ASB4: variants seen among roughly 807,000 people sequenced by gnomAD.
ASB4 encodes ankyrin repeat and SOCS box protein 4.
A neutral mutation model predicts 38.6 loss-of-function variants in ASB4; 35 were observed. The observed-to-expected ratio is 0.91, with a 90% CI of 0.69 to 1.20. The LOEUF is 1.20. ASB4 is among the 50% of genes most tolerant of loss of function. The pLI is 0.00. For missense variants in ASB4, 557 were observed against 527.2 expected, an observed-to-expected ratio of 1.06 and a Z score of -0.55; for synonymous variants, 195 against 201.3, an observed-to-expected ratio of 0.97 and a Z score of 0.26.
chr7:95,513,212 C>T (rs1431614275), intron 2 of ASB4, among the ~76,000 whole-genome samples: 5 of 142,134 alleles, frequency 3.5e-5, no homozygotes, highest in Non-Finnish European at 7.5e-5. Context: ...TGGTTGACTT[C>T]AATCTTAGCC....
intron 3 of ASB4, among the ~76,000 whole-genome samples, chr7:95,530,439 T>G (rs1171058311): frequency 6.6e-6 from 1 of 152,160 alleles, no homozygotes; most frequent in Admixed American, 6.5e-5. Flanking sequence ...CACTTCACCC[T>G]GGGTGACAGA....
chr7:95,521,213 TG>T (rs1790658175), intron 2 of ASB4, among the ~76,000 whole-genome samples: 1 of 152,090 alleles, frequency 6.6e-6, no homozygotes, highest in African/African-American at 2.4e-5. Context: ...CATAAAGAAA[TG>T]TTTCCTTTTT....
intron 2 of ASB4, among the ~76,000 whole-genome samples, chr7:95,524,150 T>C (rs6979120): frequency 0.46 from 70,420 of 151,970 alleles, 16,889 homozygotes; most frequent in African/African-American, 0.59. Context: ...CCCAGAGAAA[T>C]CCCTGCACGT....
chr7:95,506,210 T>C (rs1790406098), intron 2 of ASB4, among the ~76,000 whole-genome samples: 1 of 152,210 alleles, frequency 6.6e-6, no homozygotes, highest in Admixed American at 6.5e-5. Flanking sequence ...ACAATAGTTT[T>C]AATCTTTTCT....
Position 95,528,086 on chromosome 7 carries a change from C to G in ASB4, c.761C>G (p.Ser254Cys). ...AATGCCCGAGATGACGACTTTAAATCTCCCCTCCACAAGGCAGCCTGGAAC... is the reference window on the plus strand; with the variant it reads ...AATGCCCGAGATGACGACTTTAAATGTCCCCTCCACAAGGCAGCCTGGAAC... The part of the protein sequence containing the change: ...EVNARDDDFK[S>C]PLHKAAWNCD... Residue 254 changes from serine (S) to cysteine (C), a missense_variant, in exon 3 of 5, where the codon TCT (serine) becomes TGT (cysteine). Physicochemically the swap from Ser to Cys is moderately radical, Grantham distance 112 (BLOSUM62 -1). Transcript: ENST00000325885. The G allele has an allele frequency of 6.2e-7, 1 of 1,614,182 alleles. No homozygotes were observed. The highest frequency in any genetic ancestry group is 8.5e-7 in the Non-Finnish European group (1 of 1,180,036).
At chr7:95,499,357 A>T (rs1790297701) in intron 2 of ASB4, among the ~76,000 whole-genome samples, 1 of 152,204 alleles carries the variant, frequency 6.6e-6, no homozygotes, top group South Asian at 2.1e-4. Context: ...AGGAGAAACC[A>T]GTAAAGGAGA....
upstream of ASB4, chr7:95,473,974 G>A (rs1789950143): frequency 6.6e-6 from 1 of 152,156 alleles, no homozygotes; most frequent in Non-Finnish European, 1.5e-5. Context: ...TTCCTTAACT[G>A]AAAATAAAGC....
chr7:95,542,412 T>G (rs1790982928), downstream of ASB4: 2 of 151,288 alleles, frequency 1.3e-5, no homozygotes, highest in South Asian at 2.1e-4. Flanking sequence ...CAAAAGTGGT[T>G]TTTTTTTTTG....
intron 2 of ASB4, among the ~76,000 whole-genome samples, chr7:95,523,742 G>T (rs1790696077): frequency 6.6e-6 from 1 of 152,052 alleles, no homozygotes. Context: ...TTAATTTTAA[G>T]ATCAAAATTT....
chr7:95,495,417 A>G (rs1180879415), intron 1 of ASB4, among the ~76,000 whole-genome samples: 1 of 152,192 alleles, frequency 6.6e-6, no homozygotes, highest in Non-Finnish European at 1.5e-5. Context: ...ATAACTCAGC[A>G]TGCAAAATAA....
chr7:95,475,380 TTTAA>T (rs1001454920), upstream of ASB4, among the ~76,000 whole-genome samples: 4 of 152,122 alleles, frequency 2.6e-5, no homozygotes, highest in African/African-American at 9.7e-5. Flanking sequence ...GCAGGTTGAA[TTTAA>T]TTAATTAATT....
intron 2 of ASB4, among the ~76,000 whole-genome samples, chr7:95,517,962 T>C (rs554837920): frequency 4.1e-4 from 63 of 152,222 alleles, no homozygotes; most frequent in African/African-American, 1.3e-3. Flanking sequence ...ATAATAGAGA[T>C]AAATTACTTG....
chr7:95,493,866 T>A lies in ASB4; in HGVS notation c.188-1892T>A, dbSNP rs181810645. Among the ~76,000 whole-genome samples, 682 of 152,340 alleles carry A rather than the reference T, an allele frequency of 4.5e-3. 1 individual carries two copies. The highest frequency in any genetic ancestry group is 8.0e-3 in the Non-Finnish European group (542 of 68,028). On this transcript the variant is annotated intron_variant, in intron 1 of 4. Transcript: ENST00000325885. ...GTCTATATAGAACTGCCCCTTTTTT[T>A]AATGGTTGTATAGTATTTGATTGAC...
chr7:95,547,697 A>T, the ASB4 span, among the ~76,000 whole-genome samples: 1 of 152,224 alleles, frequency 6.6e-6, no homozygotes, highest in East Asian at 1.9e-4. Flanking sequence ...AGTAATAAAC[A>T]TTTAAGTTAA....
chr7:95,537,573 A>G lies in ASB4; in HGVS notation c.1095A>G (p.Lys365=), dbSNP rs933961790. ...ATTTGTCTTGCCTTCCTTTTCAGAA[A>G]TACTGGGATTTTTACCACTCTCTCT... ...RRAIPDDDLE[K]YWDFYHSLFT... is the part of the protein sequence containing the mutation. Residue 365 remains lysine (K), a splice_region_variant and synonymous_variant, in exon 5 of 5, where the codon AAA becomes AAG. Coordinates refer to ENST00000325885, the MANE Select transcript of ASB4 (RefSeq NM_016116.3). 1.1e-5 allele frequency: 17 copies of G among 1,590,438 alleles called. No individual in the cohort carries two copies. The highest frequency in any genetic ancestry group is 1.8e-5 in the Admixed American group (1 of 56,994).
At chr7:95,478,727 C>T (rs1162048848) in intron 1 of ASB4, 1 of 152,120 alleles carries the variant, frequency 6.6e-6, no homozygotes, top group African/African-American at 2.4e-5. Flanking sequence ...AGAGGGATGC[C>T]AGGCCACAAA....
At chr7:95,548,092 C>T in the ASB4 span, among the ~76,000 whole-genome samples, 1 of 152,176 alleles carries the variant, frequency 6.6e-6, no homozygotes, top group East Asian at 1.9e-4. Context: ...GGGCAAATAT[C>T]TAGAAGTGAA....
chr7:95,548,575 C>T, the ASB4 span, among the ~76,000 whole-genome samples: 1 of 152,178 alleles, frequency 6.6e-6, no homozygotes, highest in African/African-American at 2.4e-5. Flanking sequence ...ATAGTCAACA[C>T]CCCACAGTTG....
At chr7:95,513,887 T>C (rs1224468696) in intron 2 of ASB4, among the ~76,000 whole-genome samples, 1 of 152,210 alleles carries the variant, frequency 6.6e-6, no homozygotes, top group Non-Finnish European at 1.5e-5. Flanking sequence ...TGGTCATCTG[T>C]CTGTCAATTC....
Sources: allele counts gnomAD v4.1 joint callset (sites outside exome capture counted in the v4.1 genomes callset), GRCh38; gene constraint gnomAD v4.1.1; transcripts MANE v1.5; gene names NCBI Gene and HGNC (gene_info 2026-07-23, HGNC 2026-07-21).